The following ABCA6 variants were observed in gnomAD, a reference collection of about 807,000 sequenced individuals.
ABCA6 encodes ATP binding cassette subfamily A member 6.
A neutral mutation model predicts 191.2 loss-of-function variants in ABCA6; 164 were observed. The ratio of observed to expected loss-of-function variants is 0.86; its 90% CI spans 0.76 to 0.98. The LOEUF (loss-of-function observed/expected upper bound fraction) is 0.98, where lower values mean the gene tolerates loss of function less well. Among genes scored for constraint, ABCA6 ranks in the 50% least tolerant of loss-of-function variants. ABCA6 has a pLI of 0.00. For missense variants in ABCA6, 1,958 were observed against 1,894.1 expected (o/e 1.03, Z -0.63); for synonymous variants, 636 against 647.7 (o/e 0.98, Z 0.27).
chr17:69,096,824 A>C (rs774687234), intron 23 of ABCA6, 23 bp from the exon 24 acceptor site: 4 of 1,505,328 alleles, frequency 2.7e-6, no homozygotes, highest in Middle Eastern at 1.8e-4. Flanking sequence ...AAAAAGAAAG[A>C]AAGAAATGTA....
At chr17:69,079,120 A>C in intron 38 of ABCA6, 46 bp from the exon 39 acceptor site, 1 of 1,569,638 alleles carries the variant, frequency 6.4e-7, no homozygotes, top group Non-Finnish European at 8.7e-7. Flanking sequence ...AGAGATTATC[A>C]AGTTGTTGGT....
chr17:69,130,679 C>T (rs1202151924), intron 6 of ABCA6, among the ~76,000 whole-genome samples: 1 of 152,078 alleles, frequency 6.6e-6, no homozygotes, highest in Admixed American at 6.5e-5. Context: ...CATTTTGTAA[C>T]TTCAGCTTTG....
intron 32 of ABCA6, among the ~76,000 whole-genome samples, chr17:69,084,791 G>A (rs1257352466): frequency 6.6e-6 from 1 of 151,882 alleles, no homozygotes; most frequent in African/African-American, 2.4e-5. Flanking sequence ...AATGGATGAC[G>A]ATTCATGGTG....
intron 9 of ABCA6, 37 bp downstream of exon 9, chr17:69,124,851 A>T (rs1357812063): frequency 7.9e-7 from 1 of 1,269,300 alleles, no homozygotes; most frequent in African/African-American, 1.6e-5. Flanking sequence ...TGTAATTAAT[A>T]ACTGTAGAGG....
At chr17:69,085,851 T>A (rs1038406486) in intron 30 of ABCA6, 135 bp from the exon 31 acceptor site, 3 of 615,830 alleles carry the variant, frequency 4.9e-6, no homozygotes, top group African/African-American at 1.9e-5. Context: ...ATATATGTAA[T>A]CCACGTCACC....
At chr17:69,137,959 A>G (rs1472326247) in intron 2 of ABCA6, among the ~76,000 whole-genome samples, 2 of 152,206 alleles carry the variant, frequency 1.3e-5, no homozygotes, top group Non-Finnish European at 2.9e-5. Flanking sequence ...ACCAATGTCA[A>G]TCATCATTAC....
chr17:69,094,988 C>T (rs1449220782), intron 25 of ABCA6: 2 of 154,006 alleles, frequency 1.3e-5, no homozygotes, highest in East Asian at 1.9e-4. Flanking sequence ...ATAACCCTGA[C>T]ATTTCTTGGC....
intron 38 of ABCA6, 48 bp from the exon 39 acceptor site, chr17:69,079,122 G>A (rs1021546900): frequency 6.4e-7 from 1 of 1,570,826 alleles, no homozygotes. Context: ...AGATTATCAA[G>A]TTGTTGGTCT....
At chr17:69,130,384 T>C (rs1412288999) in intron 6 of ABCA6, among the ~76,000 whole-genome samples, 7 of 152,102 alleles carry the variant, frequency 4.6e-5, no homozygotes, top group Admixed American at 1.3e-4. Context: ...TGTGCCTCGT[T>C]GGTACCTACG....
intron 6 of ABCA6, among the ~76,000 whole-genome samples, chr17:69,132,376 C>T (rs1229450056): frequency 6.6e-6 from 1 of 152,112 alleles, no homozygotes; most frequent in Non-Finnish European, 1.5e-5. Flanking sequence ...ATTGCAAAAG[C>T]CTTTTGGAAG....
At position 69,128,771 on chromosome 17, in the gene ABCA6, T is replaced by G; in HGVS notation, c.967A>C (p.Lys323Gln). ...ALVFLMSVLL[K>Q]KAVLTNLVVF... Reference sequence around the variant, plus strand: ...ACCAAATTGGTGAGGACAGCTTTCTTTAACAGCACACTCATCAGGAACACC... The same window carrying G: ...ACCAAATTGGTGAGGACAGCTTTCTGTAACAGCACACTCATCAGGAACACC... Residue 323 changes from lysine to glutamine, a missense_variant, in exon 8 of 39, where the codon AAG becomes CAG. Transcript: ENST00000284425. The G allele has an allele frequency of 6.2e-7, 1 of 1,608,346 alleles. No homozygotes were observed. The highest frequency in any genetic ancestry group is 8.5e-7 in the Non-Finnish European group (1 of 1,176,970).
rs770374986 is a variant in ABCA6 at position 69,105,574 on chromosome 17, A to G, written c.2628T>C (p.Tyr876=). 3.8e-6 allele frequency: 6 copies of G among 1,569,524 alleles called. No individual in the cohort carries two copies. In the East Asian group the frequency reaches 1.3e-4, roughly 35 times the overall value. Residue 876 remains tyrosine (Y), a synonymous_variant, in exon 20 of 39, where the codon TAT becomes TAC. Coordinates refer to ENST00000284425, the MANE Select transcript of ABCA6 (RefSeq NM_080284.3). ...AATCGATCTTTTCATTTAACATAGC[A>G]TACATTATATTTTCAACAATCAAAG... The part of the protein sequence containing the change: ...IFPLIVENIM[Y]AMLNEKIDWE...
intron 20 of ABCA6, among the ~76,000 whole-genome samples, chr17:69,103,638 C>T (rs2073228584): frequency 6.6e-6 from 1 of 152,038 alleles, no homozygotes; most frequent in Admixed American, 6.6e-5. Context: ...AAACCAATTT[C>T]CAGGATACCT....
intron 21 of ABCA6, among the ~76,000 whole-genome samples, chr17:69,102,458 C>A (rs1371292895): frequency 6.6e-6 from 1 of 152,002 alleles, no homozygotes; most frequent in Non-Finnish European, 1.5e-5. Context: ...TCAGTTATTT[C>A]GTGTAGATAT....
chr17:69,100,657 A>G (rs2073158277), intron 22 of ABCA6, 140 bp downstream of exon 22: 1 of 915,852 alleles, frequency 1.1e-6, no homozygotes. Flanking sequence ...TTTGTTTGCT[A>G]TAACCCATTG....
intron 15 of ABCA6, 125 bp from the exon 16 acceptor site, chr17:69,112,398 CTA>C: frequency 1.5e-6 from 1 of 656,098 alleles, no homozygotes; most frequent in Non-Finnish European, 2.7e-6. Context: ...ATAACTAGAT[CTA>C]GTGTGCATTT....
chr17:69,083,519 G>A (rs776097562), intron 34 of ABCA6, among the ~76,000 whole-genome samples, 188 bp from the exon 35 acceptor site: 5 of 152,116 alleles, frequency 3.3e-5, no homozygotes, highest in Non-Finnish European at 5.9e-5. Context: ...TCATATTGTA[G>A]TTGAGTTATC....
At chr17:69,117,283 T>C (rs1289121057) in intron 11 of ABCA6, among the ~76,000 whole-genome samples, 1 of 152,080 alleles carries the variant, frequency 6.6e-6, no homozygotes, top group African/African-American at 2.4e-5. Context: ...GGCTTCTGTC[T>C]TTTATAAAAA....
chr17:69,114,731 C>A, intron 13 of ABCA6, 31 bp downstream of exon 13: 2 of 1,567,666 alleles, frequency 1.3e-6, no homozygotes, highest in South Asian at 1.2e-5. Context: ...AAGTGGTTGG[C>A]AGGTCAGTTA....
Sources: gnomAD v4.1 joint callset for allele counts (sites outside exome capture counted in the v4.1 genomes callset) on GRCh38, gnomAD v4.1.1 for gene constraint, MANE v1.5 for transcripts, NCBI Gene and HGNC (gene_info 2026-07-23, HGNC 2026-07-21) for gene names.